The following SYNJ2 variants were observed in gnomAD, a reference collection of about 807,000 sequenced individuals.
The protein encoded by SYNJ2 is synaptojanin 2.
Under a neutral mutation model 141.3 loss-of-function variants are expected in SYNJ2, and 116 were observed. The observed-to-expected ratio is 0.82, with a 90% CI of 0.71 to 0.96. The LOEUF is 0.96. Ranked by LOEUF, SYNJ2 falls within the 40% of genes least tolerant of loss-of-function variation. SYNJ2 has a pLI of 0.00. For synonymous variants in SYNJ2, 745 were observed against 777.7 expected (o/e 0.96, Z 0.70); for missense variants, 1,873 against 1,934.8 (o/e 0.97, Z 0.60).
chr6:158,061,430 C>T (rs771377662), intron 7 of SYNJ2, among the ~76,000 whole-genome samples: 15 of 150,406 alleles, frequency 1.0e-4, no homozygotes, highest in Non-Finnish European at 8.8e-5. Flanking sequence ...TCCCATCTCT[C>T]CCCACCTTCA....
At chr6:158,017,676 A>G (rs1778538186) in intron 2 of SYNJ2, 1 of 483,226 alleles carries the variant, frequency 2.1e-6, no homozygotes, top group South Asian at 1.5e-5. Context: ...CAGCCTCCCA[A>G]AGTGCTGGGA....
chr6:158,081,154 G>C lies in SYNJ2; in HGVS notation c.2613G>C (p.Val871=), dbSNP rs758729630. ...AGGTGGAAGTTCAGGAAGTCGATGT[G>C]GGTGCTCGGGAGAGGGTTTTCCAGG... The part of the protein sequence containing the change: ...IVEVEVQEVD[V]GARERVFQEV... Residue 871 remains valine (V), a synonymous_variant, in exon 19 of 27, where the codon GTG becomes GTC. Transcript: ENST00000355585. 1.2e-6 allele frequency: 2 copies of C among 1,614,032 alleles called. No homozygotes were observed. The highest frequency in any genetic ancestry group is 1.7e-5 in the Admixed American group (1 of 60,020).
intron 5 of SYNJ2, among the ~76,000 whole-genome samples, chr6:158,047,479 C>T (rs760202073): frequency 1.3e-5 from 2 of 151,854 alleles, no homozygotes; most frequent in African/African-American, 4.8e-5. Context: ...GATTAAAGAG[C>T]GTAATATAAG....
chr6:158,048,656 C>G (rs991341163), intron 5 of SYNJ2, among the ~76,000 whole-genome samples: 1 of 152,164 alleles, frequency 6.6e-6, no homozygotes, highest in Non-Finnish European at 1.5e-5. Flanking sequence ...ATGGGTGACT[C>G]CAGCATGCAG....
At chr6:157,989,427 AATATATATAT>A (rs34948131) in intron 1 of SYNJ2, among the ~76,000 whole-genome samples, 4,001 of 96,282 alleles carry the variant, frequency 0.042, 125 homozygotes, top group Non-Finnish European at 0.058. Flanking sequence ...TAAAAAAATG[AATATATATAT>A]ATATATATAT....
intron 5 of SYNJ2, among the ~76,000 whole-genome samples, chr6:158,050,530 A>G (rs1780511289): frequency 6.6e-6 from 1 of 152,224 alleles, no homozygotes; most frequent in Admixed American, 6.5e-5. Context: ...CATGCCTGTG[A>G]CAGTTGGGCC....
intron 23 of SYNJ2, among the ~76,000 whole-genome samples, chr6:158,088,159 C>G (rs1783203173): frequency 6.9e-6 from 1 of 144,840 alleles, no homozygotes; most frequent in South Asian, 2.3e-4. Context: ...CTCCCCGGCT[C>G]AAGCAATCCT....
chr6:157,994,142 T>C (rs1189068416), intron 1 of SYNJ2, among the ~76,000 whole-genome samples: 1 of 152,154 alleles, frequency 6.6e-6, no homozygotes, highest in East Asian at 1.9e-4. Context: ...TTTTTATCTG[T>C]CTGTTTAAAC....
intron 1 of SYNJ2, among the ~76,000 whole-genome samples, chr6:157,985,466 C>T (rs11751604): frequency 0.15 from 23,305 of 152,204 alleles, 1,914 homozygotes; most frequent in Non-Finnish European, 0.19. Flanking sequence ...TATGAAGTCT[C>T]GGGAACCTGA....
In SYNJ2 at chr6:158,098,612, A is replaced by G. The variant is rs1783906121; in HGVS notation, c.*2248A>G. 6.6e-6 allele frequency: 1 copy of G among 152,072 alleles called. No homozygotes were observed. Among genetic ancestry groups the G allele is most frequent in the Non-Finnish European group, 1.5e-5 (1 of 68,020 alleles). 9.4% of individuals were successfully genotyped at this position (152,072 alleles called of 1,614,324 possible). A position where few individuals can be genotyped will look rare whatever the true frequency, so the allele number is the denominator to read the frequency against. ...ATGCTTACTAGTTGGTAGGATTCCC[A>G]GGTCAGCAGCAGGGTTGATTAAATA... On this transcript the variant is annotated 3_prime_UTR_variant, in exon 27 of 27. Coordinates refer to ENST00000355585, the MANE Select transcript of SYNJ2 (RefSeq NM_003898.4).
intron 25 of SYNJ2, among the ~76,000 whole-genome samples, chr6:158,091,419 A>G (rs570615148): frequency 1.2e-4 from 18 of 151,770 alleles, no homozygotes; most frequent in Admixed American, 3.9e-4. Flanking sequence ...GTCCATCAAT[A>G]CAATGGAATA....
rs1284046213 is a variant in SYNJ2 at position 158,099,078 on chromosome 6, G to A, written c.*2714G>A. The A allele has an allele frequency of 6.6e-6, 1 of 152,080 alleles. No individual in the cohort carries two copies. The highest frequency in any genetic ancestry group is 6.5e-5 in the Admixed American group (1 of 15,274). The allele number at this position is 152,080 out of a possible 1,614,324, so 9.4% of individuals were successfully genotyped here. ...GGAAGGAAAGCTGCAAAGATTATTG[G>A]GGGACTAGTGATTAATAAAATCCTG... On this transcript the variant is annotated 3_prime_UTR_variant, in exon 27 of 27. Transcript: ENST00000355585.
chr6:158,074,464 TC>T, intron 15 of SYNJ2, 115 bp from the exon 16 acceptor site: 1 of 1,192,840 alleles, frequency 8.4e-7, no homozygotes, highest in Non-Finnish European at 1.2e-6. Flanking sequence ...CTTTCTTTTT[TC>T]TAAGTAGCAT....
At chr6:158,066,921 G>A (rs17489570) in intron 12 of SYNJ2, among the ~76,000 whole-genome samples, 11,212 of 152,206 alleles carry the variant, frequency 0.074, 568 homozygotes, top group Non-Finnish European at 0.11. Context: ...GAATCTTTTC[G>A]TCACCAGTCG....
intron 1 of SYNJ2, among the ~76,000 whole-genome samples, chr6:158,004,600 A>C (rs1204230332): frequency 1.3e-5 from 2 of 152,166 alleles, no homozygotes; most frequent in African/African-American, 4.8e-5. Flanking sequence ...ATAATCATAA[A>C]AATGGGCAAC....
chr6:158,078,034 A>T, intron 17 of SYNJ2, 130 bp from the exon 18 acceptor site: 1 of 649,174 alleles, frequency 1.5e-6, no homozygotes, highest in Non-Finnish European at 2.8e-6. Flanking sequence ...AAGGTGGAGG[A>T]GTAAGGAGGA....
chr6:158,051,295 GC>G (rs1215072588), intron 5 of SYNJ2, among the ~76,000 whole-genome samples: 1 of 152,136 alleles, frequency 6.6e-6, no homozygotes, highest in Admixed American at 6.5e-5. Flanking sequence ...ACCACACAGA[GC>G]AGGTAGCCCC....
intron 2 of SYNJ2, chr6:158,017,690 C>T (rs1447599855): frequency 4.0e-6 from 2 of 498,664 alleles, no homozygotes; most frequent in Admixed American, 2.2e-5. Context: ...GCTGGGATTA[C>T]AGCCATGAGC....
intron 1 of SYNJ2, among the ~76,000 whole-genome samples, chr6:157,993,797 GTTTTTTTTTTTT>G (rs61529071): frequency 2.9e-4 from 14 of 47,966 alleles, no homozygotes; most frequent in Admixed American, 7.8e-4. Context: ...AAATGTGTGG[GTTTTTTTTTTTT>G]TTTTTTTTTT....
Sources: allele counts gnomAD v4.1 joint callset (sites outside exome capture counted in the v4.1 genomes callset), GRCh38; gene constraint gnomAD v4.1.1; transcripts MANE v1.5; gene names NCBI Gene and HGNC (gene_info 2026-07-23, HGNC 2026-07-21).